Variants in RBMS3 observed in about 807,000 individuals in gnomAD.
RBMS3 encodes the protein RNA binding motif single stranded interacting protein 3.
A neutral mutation model predicts 66.8 loss-of-function variants in RBMS3; 27 were observed. The ratio of observed to expected loss-of-function variants is 0.40; its 90% CI spans 0.30 to 0.56. The LOEUF (loss-of-function observed/expected upper bound fraction) is 0.56, where lower values mean the gene tolerates loss of function less well. Among genes scored for constraint, RBMS3 ranks in the 20% least tolerant of loss-of-function variants. The pLI, the probability that RBMS3 is intolerant of heterozygous loss-of-function variation, is 0.40. For missense variants in RBMS3, 513 were observed against 549.5 expected (o/e 0.93, Z 0.66); for synonymous variants, 188 against 183.0 (o/e 1.03, Z -0.22).
intron 2 of RBMS3, among the ~76,000 whole-genome samples, chr3:29,481,639 C>A (rs1402407135): frequency 6.6e-6 from 1 of 152,080 alleles, no homozygotes; most frequent in Non-Finnish European, 1.5e-5. Flanking sequence ...ACAGTCTGAG[C>A]AAGTAACTAG....
chr3:30,003,889 T>C lies in RBMS3; in HGVS notation c.*27T>C, dbSNP rs756951280. On this transcript the variant is annotated 3_prime_UTR_variant, in exon 15 of 15. Transcript: ENST00000383767. Reference sequence around the variant, plus strand: ...CAGGACTGAAGAATGTCTGTCTGAATCTTTGCCTTGAATGAAGAAACTTCA... The same window carrying C: ...CAGGACTGAAGAATGTCTGTCTGAACCTTTGCCTTGAATGAAGAAACTTCA... 2.1e-6 allele frequency: 3 copies of C among 1,443,378 alleles called. No homozygotes were observed. The highest frequency in any genetic ancestry group is 2.9e-5 in the African/African-American group (2 of 69,034). 89.4% of individuals were successfully genotyped at this position (1,443,378 alleles called of 1,614,324 possible). A position where few individuals can be genotyped will look rare whatever the true frequency, so the allele number is the denominator to read the frequency against.
intron 1 of RBMS3, among the ~76,000 whole-genome samples, chr3:29,433,763 A>T (rs1320185724): frequency 6.6e-6 from 1 of 152,214 alleles, no homozygotes; most frequent in Admixed American, 6.5e-5. Flanking sequence ...ATATCTATGA[A>T]TTCTGGTATG....
chr3:29,404,930 A>G (rs1188924678), intron 1 of RBMS3, among the ~76,000 whole-genome samples: 3 of 152,170 alleles, frequency 2.0e-5, no homozygotes, highest in Non-Finnish European at 2.9e-5. Flanking sequence ...CTGTGGAAAG[A>G]TTATAAAGCC....
intron 1 of RBMS3, among the ~76,000 whole-genome samples, chr3:29,369,208 G>A (rs999407570): frequency 7.2e-5 from 11 of 151,878 alleles, no homozygotes; most frequent in Admixed American, 7.2e-4. Context: ...AATAACTAAT[G>A]GGTACTAGAC....
At chr3:29,289,973 A>G (rs1353578217) in intron 1 of RBMS3, among the ~76,000 whole-genome samples, 1 of 151,796 alleles carries the variant, frequency 6.6e-6, no homozygotes, top group African/African-American at 2.4e-5. Context: ...ATTGTTTTTT[A>G]ATCCTGTGTA....
intron 4 of RBMS3, among the ~76,000 whole-genome samples, chr3:29,598,996 A>T (rs1410627597): frequency 6.6e-6 from 1 of 152,038 alleles, no homozygotes; most frequent in Non-Finnish European, 1.5e-5. Context: ...ACTAAATTCC[A>T]TATTGGTGAT....
At position 29,587,216 on chromosome 3, in the gene RBMS3, T is replaced by C; in HGVS notation, c.399+11T>C. ...GCACAGATGGCTAAGGTAAGATTGA[T>C]GTTTAGGGGTGTTTTTTTTTTTTTT... is the stretch of plus-strand genomic sequence containing the variant. On this transcript the variant is annotated intron_variant, in intron 4 of 14. Transcript: ENST00000383767. The C allele has an allele frequency of 4.1e-6, 5 of 1,211,362 alleles. No homozygotes were observed. Among genetic ancestry groups the C allele is most frequent in the Admixed American group, 2.6e-5 (1 of 39,014 alleles). The allele number at this position is 1,211,362 out of a possible 1,614,324, so 75.0% of individuals were successfully genotyped here. A position where few individuals can be genotyped will look rare whatever the true frequency, so the allele number is the denominator to read the frequency against.
chr3:29,871,419 A>T (rs534381593), intron 7 of RBMS3, among the ~76,000 whole-genome samples: 2 of 152,088 alleles, frequency 1.3e-5, no homozygotes, highest in Non-Finnish European at 2.9e-5. Context: ...CCCTTCCTTC[A>T]TTCAGTGTCA....
intron 6 of RBMS3, among the ~76,000 whole-genome samples, chr3:29,801,004 T>TGC (rs1245272602): frequency 8.8e-6 from 1 of 114,178 alleles, no homozygotes; most frequent in African/African-American, 3.2e-5. Flanking sequence ...CACACACGCA[T>TGC]GCACACACAC....
At chr3:29,696,592 A>C (rs1347725806) in intron 4 of RBMS3, among the ~76,000 whole-genome samples, 1 of 152,204 alleles carries the variant, frequency 6.6e-6, no homozygotes, top group Admixed American at 6.5e-5. Context: ...TCTTTTCTGC[A>C]CGAAGGCCAG....
chr3:29,864,434 A>T (rs1401491718), intron 6 of RBMS3, among the ~76,000 whole-genome samples: 1 of 152,232 alleles, frequency 6.6e-6, no homozygotes, highest in East Asian at 1.9e-4. Flanking sequence ...ATGACAAGCT[A>T]TAGCAAACAA....
intron 6 of RBMS3, among the ~76,000 whole-genome samples, chr3:29,812,745 A>G (rs1410720221): frequency 6.6e-6 from 1 of 152,142 alleles, no homozygotes; most frequent in Admixed American, 6.5e-5. Context: ...TTCTGAGAGT[A>G]ATCAGGAAAG....
At chr3:29,836,373 A>G (rs2149494769) in intron 6 of RBMS3, among the ~76,000 whole-genome samples, 1 of 152,148 alleles carries the variant, frequency 6.6e-6, no homozygotes, top group African/African-American at 2.4e-5. Context: ...ACAAAATACT[A>G]GTGAACCAAA....
intron 3 of RBMS3, among the ~76,000 whole-genome samples, chr3:29,566,635 A>AG (rs1491126396): frequency 4.9e-5 from 1 of 20,404 alleles, no homozygotes; most frequent in Non-Finnish European, 9.6e-5. Flanking sequence ...AGCAAAATGC[A>AG]AAAAAAAAAA....
intron 4 of RBMS3, among the ~76,000 whole-genome samples, chr3:29,621,081 C>G (rs1371990144): frequency 6.6e-6 from 1 of 151,906 alleles, no homozygotes; most frequent in Admixed American, 6.6e-5. Flanking sequence ...AACATGCAGG[C>G]CCATGTCAGA....
chr3:29,631,465 C>T (rs2049279003), intron 4 of RBMS3, among the ~76,000 whole-genome samples: 1 of 151,700 alleles, frequency 6.6e-6, no homozygotes, highest in African/African-American at 2.4e-5. Context: ...ATAAGGCGTT[C>T]AAATTTCCAT....
At chr3:29,764,382 CT>C (rs11479392) in intron 6 of RBMS3, among the ~76,000 whole-genome samples, 65,174 of 148,320 alleles carry the variant, frequency 0.44, 14,150 homozygotes, top group African/African-American at 0.51. Context: ...AGCAGAAATA[CT>C]TTTTTTTTTT....
chr3:29,326,513 T>C (rs1462324363), intron 1 of RBMS3, among the ~76,000 whole-genome samples: 1 of 152,194 alleles, frequency 6.6e-6, no homozygotes, highest in East Asian at 1.9e-4. Context: ...CATGGTCCTA[T>C]GTAATTACCC....
chr3:29,285,234 G>A (rs1290851337), intron 1 of RBMS3, among the ~76,000 whole-genome samples: 2 of 138,506 alleles, frequency 1.4e-5, no homozygotes, highest in Non-Finnish European at 3.2e-5. Flanking sequence ...TTGCCGGGGT[G>A]GGGTGGGGGT....
Sources: allele counts gnomAD v4.1 joint callset (sites outside exome capture counted in the v4.1 genomes callset), GRCh38; gene constraint gnomAD v4.1.1; transcripts MANE v1.5; gene names NCBI Gene and HGNC (gene_info 2026-07-23, HGNC 2026-07-21).